Variants in ST8SIA5 observed in about 807,000 individuals in gnomAD.
The protein encoded by ST8SIA5 is ST8 alpha-N-acetyl-neuraminide alpha-2,8-sialyltransferase 5, also known as alpha-2,8-sialyltransferase 8E.
In ST8SIA5, 24 loss-of-function variants were observed where a neutral mutation model predicts 40.2. The ratio of observed to expected loss-of-function variants is 0.60; its 90% confidence interval spans 0.43 to 0.84. The LOEUF (loss-of-function observed/expected upper bound fraction) is 0.84. Among genes scored for constraint, ST8SIA5 ranks in the 40% least tolerant of loss-of-function variants. ST8SIA5 has a pLI of 0.00. For missense variants in ST8SIA5, 465 were observed against 498.5 expected, an observed-to-expected ratio of 0.93 and a Z score of 0.64; for synonymous variants, 198 against 201.8, an observed-to-expected ratio of 0.98 and a Z score of 0.16.
At chr18:46,715,869 T>C (rs1161041906) in intron 1 of ST8SIA5, among the ~76,000 whole-genome samples, 1 of 152,126 alleles carries the variant, frequency 6.6e-6, no homozygotes, top group Non-Finnish European at 1.5e-5. Context: ...ATTATAGGCA[T>C]GAGCAACTGT....
At chr18:46,743,864 T>C (rs1168934885) in intron 1 of ST8SIA5, among the ~76,000 whole-genome samples, 1 of 152,214 alleles carries the variant, frequency 6.6e-6, no homozygotes, top group Non-Finnish European at 1.5e-5. Context: ...ACAGCGGATC[T>C]CTCAGCAGAA....
intron 1 of ST8SIA5, among the ~76,000 whole-genome samples, chr18:46,732,430 T>C (rs2039993879): frequency 6.6e-6 from 1 of 152,176 alleles, no homozygotes; most frequent in Admixed American, 6.5e-5. Context: ...GGTCTTCCCA[T>C]ATTGGGGTGC....
chr18:46,720,363 C>T (rs531266093), intron 1 of ST8SIA5, among the ~76,000 whole-genome samples: 70 of 152,214 alleles, frequency 4.6e-4, no homozygotes, highest in African/African-American at 1.6e-3. Context: ...AACTGTGGTC[C>T]CAAAGGCCAG....
chr18:46,718,353 A>C (rs2144523062), intron 1 of ST8SIA5, among the ~76,000 whole-genome samples: 1 of 152,166 alleles, frequency 6.6e-6, no homozygotes, highest in South Asian at 2.1e-4. Context: ...AAAGAAAAAA[A>C]ATTATTCCTA....
chr18:46,708,149 C>T lies in ST8SIA5; in HGVS notation c.132-3485G>A, dbSNP rs531064423. ...TCATTCCCCTCTGTCCTCTTTGTCC[C>T]GCCACTAAAGAGCACGTGATACCAG... On this transcript the variant is annotated intron_variant, in intron 1 of 6. Coordinates refer to ENST00000315087, the MANE Select transcript of ST8SIA5 (RefSeq NM_013305.6). 6.6e-5 allele frequency among the ~76,000 whole-genome samples: 10 copies of T among 152,300 alleles called. 1 individual carries two copies. Among genetic ancestry groups the T allele is most frequent in the Admixed American group, 2.6e-4 (4 of 15,298 alleles).
At chr18:46,703,872 T>C (rs1214529619) in intron 2 of ST8SIA5, among the ~76,000 whole-genome samples, 1 of 152,262 alleles carries the variant, frequency 6.6e-6, no homozygotes, top group Admixed American at 6.5e-5. Context: ...GGTGGGCACA[T>C]GCATGCTAAA....
At chr18:46,740,226 A>G (rs1380398014) in intron 1 of ST8SIA5, among the ~76,000 whole-genome samples, 1 of 152,200 alleles carries the variant, frequency 6.6e-6, no homozygotes, top group Non-Finnish European at 1.5e-5. Flanking sequence ...TCGTCAGCCA[A>G]TCTCGGTGAT....
At chr18:46,749,741 A>G (rs563903894) in intron 1 of ST8SIA5, among the ~76,000 whole-genome samples, 1 of 152,354 alleles carries the variant, frequency 6.6e-6, no homozygotes, top group East Asian at 1.9e-4. Flanking sequence ...ATAGCTAGAC[A>G]TGAATTGTTA....
At chr18:46,719,951 G>A (rs563892402) in intron 1 of ST8SIA5, among the ~76,000 whole-genome samples, 24 of 151,432 alleles carry the variant, frequency 1.6e-4, no homozygotes, top group Non-Finnish European at 2.4e-4. Flanking sequence ...CTATTCTCCC[G>A]TCTCAGCCTC....
intron 1 of ST8SIA5, among the ~76,000 whole-genome samples, chr18:46,747,332 G>T (rs534352785): frequency 4.9e-4 from 75 of 151,988 alleles, no homozygotes; most frequent in African/African-American, 1.7e-3. Flanking sequence ...CTGACAAAGG[G>T]TTAATATCCA....
intron 1 of ST8SIA5, among the ~76,000 whole-genome samples, chr18:46,719,628 G>A (rs529711016): frequency 5.1e-5 from 7 of 138,544 alleles, no homozygotes; most frequent in Middle Eastern, 3.8e-3. Flanking sequence ...CCAGGGGCCC[G>A]TCGGTCCGCC....
intron 2 of ST8SIA5, among the ~76,000 whole-genome samples, chr18:46,693,595 C>T (rs1232416476): frequency 6.6e-6 from 1 of 152,256 alleles, no homozygotes; most frequent in Non-Finnish European, 1.5e-5. Context: ...TTTACATCGA[C>T]TTATTTATAA....
In ST8SIA5 at chr18:46,670,970, C is replaced by T. The variant is rs1285915393; in HGVS notation, c.*9072G>A. ...AATGCCGTGAGATATGTGATATTAG[C>T]AAAATGGTTGGCCCTTGATACACAG... On this transcript the variant is annotated 3_prime_UTR_variant, in exon 7 of 7. Transcript: ENST00000315087. 6.6e-6 allele frequency: 1 copy of T among 152,178 alleles called. No homozygotes were observed. Among genetic ancestry groups the T allele is most frequent in the Non-Finnish European group, 1.5e-5 (1 of 68,034 alleles). The allele number at this position is 152,178 out of a possible 1,614,324, so 9.4% of individuals were successfully genotyped here.
At position 46,756,460 on chromosome 18, in the gene ST8SIA5, T is replaced by C. The variant is rs1212290781; in HGVS notation, c.49A>G (p.Thr17Ala). Residue 17 changes from threonine (T) to alanine (A), a missense_variant, in exon 1 of 7, where the codon ACT becomes GCT. Coordinates refer to ENST00000315087, the MANE Select transcript of ST8SIA5 (RefSeq NM_013305.6). ...GCGCAGATGAAGATGAAGAGCAAAG[T>C]TCGGCTCCCCAACAAATCCCGGTTG... ...SANRDLLGSRTLLFIFICAFA... is the reference protein window; with the variant it reads ...SANRDLLGSRALLFIFICAFA... The C allele has an allele frequency of 6.2e-7, 1 of 1,613,186 alleles. No homozygotes were observed. Among genetic ancestry groups the C allele is most frequent in the South Asian group, 1.1e-5 (1 of 91,058 alleles).
At chr18:46,737,512 C>A (rs955941243) in intron 1 of ST8SIA5, among the ~76,000 whole-genome samples, 1 of 152,178 alleles carries the variant, frequency 6.6e-6, no homozygotes, top group African/African-American at 2.4e-5. Context: ...GGATTCCCTT[C>A]GTATGAATCC....
rs765111904 is a variant in ST8SIA5 at position 46,680,337 on chromosome 18, G to A, written c.836C>T (p.Pro279Leu). ...GCGCGACACGTTGACCAGGTACTGC[G>A]GATGGAAGTAGTAGACAGCTTGCGG... The part of the protein sequence containing the change: ...ESPQAVYYFH[P>L]QYLVNVSRYW... The change falls in exon 7 of 7, where the codon CCG (proline) becomes CTG (leucine). Residue 279 changes from proline (P) to leucine (L), a missense_variant. Pro to Leu is a moderately conservative substitution (Grantham distance 98). Coordinates refer to ENST00000315087, the MANE Select transcript of ST8SIA5 (RefSeq NM_013305.6). 4.3e-6 allele frequency: 7 copies of A among 1,614,122 alleles called. No homozygotes were observed. In the Admixed American group the frequency reaches 6.7e-5, roughly 15 times the overall value.
intron 1 of ST8SIA5, among the ~76,000 whole-genome samples, chr18:46,722,196 G>A (rs1445112979): frequency 6.6e-6 from 1 of 152,132 alleles, no homozygotes; most frequent in East Asian, 1.9e-4. Context: ...GCACAATGGA[G>A]CTAAGAGCAG....
At chr18:46,723,924 C>G (rs976214873) in intron 1 of ST8SIA5, among the ~76,000 whole-genome samples, 1 of 147,644 alleles carries the variant, frequency 6.8e-6, no homozygotes, top group African/African-American at 2.6e-5. Flanking sequence ...AAAACTCCAT[C>G]TAAAAAAAAA....
intron 4 of ST8SIA5, 125 bp downstream of exon 4, chr18:46,688,650 A>G (rs147633322): frequency 1.6e-6 from 2 of 1,282,846 alleles, no homozygotes; most frequent in Admixed American, 4.9e-5. Flanking sequence ...GTCAACCAGG[A>G]CCAAGACAAC....
Sources: allele counts gnomAD v4.1 joint callset (sites outside exome capture counted in the v4.1 genomes callset), GRCh38; gene constraint gnomAD v4.1.1; transcripts MANE v1.5; gene names NCBI Gene and HGNC (gene_info 2026-07-23, HGNC 2026-07-21).